TWIST2: variants seen among roughly 807,000 people sequenced by gnomAD.
The protein encoded by TWIST2 is twist-related protein 2.
A neutral mutation model predicts 11.6 loss-of-function variants in TWIST2; 1 was observed. The observed-to-expected ratio is 0.09, with a 90% CI of 0.03 to 0.41. TWIST2 has a LOEUF of 0.41. Ranked by LOEUF, TWIST2 falls within the 10% of genes least tolerant of loss-of-function variation. TWIST2 has a pLI of 0.98. For synonymous variants in TWIST2, 87 were observed against 96.6 expected, an observed-to-expected ratio of 0.90 and a Z score of 0.58; for missense variants, 168 against 226.4, an observed-to-expected ratio of 0.74 and a Z score of 1.66.
intron 1 of TWIST2, among the ~76,000 whole-genome samples, chr2:238,886,296 T>C (rs1693035572): frequency 6.6e-6 from 1 of 152,074 alleles, no homozygotes; most frequent in African/African-American, 2.4e-5. Context: ...TTCTTAGTGT[T>C]AATTATGTTT....
At chr2:238,875,770 G>A (rs952021887) in intron 1 of TWIST2, among the ~76,000 whole-genome samples, 16 of 152,188 alleles carry the variant, frequency 1.1e-4, no homozygotes, top group African/African-American at 3.9e-4. Context: ...TTTCTCCCCT[G>A]TCCCCAAGTT....
intron 1 of TWIST2, among the ~76,000 whole-genome samples, chr2:238,890,309 C>T (rs1394156242): frequency 6.6e-6 from 1 of 152,222 alleles, no homozygotes; most frequent in African/African-American, 2.4e-5. Flanking sequence ...AGGACCGGCA[C>T]AGTGAGAGCA....
rs371656833 is a variant in TWIST2 at position 238,866,870 on chromosome 2, G to A, written c.*35+18137G>A. Among the ~76,000 whole-genome samples the A allele has an allele frequency of 5.6e-4, 85 of 152,196 alleles. No individual in the cohort carries two copies. The highest frequency in any genetic ancestry group is 1.8e-3 in the African/African-American group (74 of 41,518). ...CGACGGTTTGTCTGCCTGTCACCCCGGGAGCACCTTCAGGACTGTGTCCTT... is the reference window on the plus strand; with the variant it reads ...CGACGGTTTGTCTGCCTGTCACCCCAGGAGCACCTTCAGGACTGTGTCCTT... On this transcript the variant is annotated intron_variant, in intron 1 of 1. Transcript: ENST00000612363. This position sits in a 1 kb window ranked among gnomAD's most constrained non-coding sequence, Gnocchi z 4.9.
intron 1 of TWIST2, among the ~76,000 whole-genome samples, chr2:238,901,208 C>T (rs1000263919): frequency 8.1e-4 from 124 of 152,210 alleles, no homozygotes; most frequent in African/African-American, 2.7e-3. Context: ...AACTCCTGAC[C>T]TCAAGTGAAC....
chr2:238,905,544 G>C (rs1425804924), intron 1 of TWIST2, among the ~76,000 whole-genome samples: 5 of 152,156 alleles, frequency 3.3e-5, no homozygotes, highest in Non-Finnish European at 7.4e-5. Context: ...GTCCCCTCGG[G>C]CACGTGAAGC....
intron 1 of TWIST2, among the ~76,000 whole-genome samples, chr2:238,893,507 A>G (rs974975431): frequency 6.6e-6 from 1 of 151,982 alleles, no homozygotes; most frequent in East Asian, 1.9e-4. Context: ...GTGCCTCTCC[A>G]CTCTGAAAAC....
chr2:238,864,916 G>A lies in TWIST2; in HGVS notation c.*35+16183G>A, dbSNP rs570149311. 6.6e-6 allele frequency among the ~76,000 whole-genome samples: 1 copy of A among 152,180 alleles called. No homozygotes were observed. On this transcript the variant is annotated intron_variant, in intron 1 of 1. Coordinates refer to ENST00000612363, the MANE Select transcript of TWIST2 (RefSeq NM_001271893.4). This position sits in a 1 kb window ranked among gnomAD's most constrained non-coding sequence, Gnocchi z 4.7. ...CCGCCAGGAGCAGAGAGCTCCGGAAGGCCTGCCGGGAGGACCTGGAGGATG... is the reference window on the plus strand; with the variant it reads ...CCGCCAGGAGCAGAGAGCTCCGGAAAGCCTGCCGGGAGGACCTGGAGGATG...
At chr2:238,895,199 G>T (rs1693193021) in intron 1 of TWIST2, among the ~76,000 whole-genome samples, 1 of 152,256 alleles carries the variant, frequency 6.6e-6, no homozygotes, top group South Asian at 2.1e-4. Flanking sequence ...CACGCCCCTG[G>T]CTTGGACCAG....
At chr2:238,874,932 A>G (rs1211949223) in intron 1 of TWIST2, among the ~76,000 whole-genome samples, 1 of 152,120 alleles carries the variant, frequency 6.6e-6, no homozygotes, top group Non-Finnish European at 1.5e-5. Flanking sequence ...TTTGTGGAAC[A>G]TGTGTCCTCT....
In TWIST2 at chr2:238,866,897, T is replaced by A. The variant is rs1342237969; in HGVS notation, c.*35+18164T>A. On this transcript the variant is annotated intron_variant, in intron 1 of 1. Coordinates refer to ENST00000612363, the MANE Select transcript of TWIST2 (RefSeq NM_001271893.4). The surrounding 1 kb of genome is among the most constrained non-coding windows in gnomAD (Gnocchi z 4.9). ...GAGCACCTTCAGGACTGTGTCCTTG[T>A]CATGTATCCGGATGCCCGGCTCAGC... Among the ~76,000 whole-genome samples the A allele has an allele frequency of 6.6e-6, 1 of 152,188 alleles. No individual in the cohort carries two copies.
chr2:238,897,417 A>C (rs929515081), intron 1 of TWIST2, among the ~76,000 whole-genome samples: 1 of 152,056 alleles, frequency 6.6e-6, no homozygotes. Context: ...CTTTTTACCA[A>C]GTGGGACCCC....
chr2:238,882,201 T>G (rs1359048943), intron 1 of TWIST2, among the ~76,000 whole-genome samples: 1 of 152,102 alleles, frequency 6.6e-6, no homozygotes, highest in African/African-American at 2.4e-5. Flanking sequence ...TGGGGGGCTC[T>G]TTTCCCTCCT....
intron 1 of TWIST2, among the ~76,000 whole-genome samples, chr2:238,850,653 G>T (rs1053543541): frequency 2.6e-5 from 4 of 152,108 alleles, no homozygotes; most frequent in Non-Finnish European, 5.9e-5. Context: ...AACCATTAAA[G>T]ATTATAGAAA....
rs182564487 is a variant in TWIST2, at chr2:238,885,847, G to A, written c.*36-23995G>A. The stretch of plus-strand genomic sequence containing the variant: ...AGCACTTTGAGATGTTTGGGGCCTG[G>A]AGCTCACCAGCTCCAGTCTGCACCC... On this transcript the variant is annotated intron_variant, in intron 1 of 1. Transcript: ENST00000612363. 3.8e-3 allele frequency among the ~76,000 whole-genome samples: 572 copies of A among 152,210 alleles called. 1 individual carries two copies. Among genetic ancestry groups the A allele is most frequent in the Non-Finnish European group, 5.6e-3 (381 of 68,028 alleles).
intron 1 of TWIST2, among the ~76,000 whole-genome samples, chr2:238,874,471 TTG>T: frequency 6.6e-6 from 1 of 152,058 alleles, no homozygotes; most frequent in Non-Finnish European, 1.5e-5. Flanking sequence ...CCAGGAGACG[TTG>T]TGTTATCCCA....
intron 1 of TWIST2, among the ~76,000 whole-genome samples, chr2:238,859,564 T>C (rs1173120407): frequency 7.2e-6 from 1 of 138,430 alleles, no homozygotes; most frequent in East Asian, 2.1e-4. Flanking sequence ...TGTATCTTAC[T>C]ACTATCACCA....
At chr2:238,894,363 A>T (rs911536321) in intron 1 of TWIST2, among the ~76,000 whole-genome samples, 246 of 151,826 alleles carry the variant, frequency 1.6e-3, no homozygotes, top group Non-Finnish European at 3.2e-3. Context: ...GGATGCACCC[A>T]GCCACCCAAG....
rs1426927992 is a variant in TWIST2 at position 238,870,844 on chromosome 2, G to A, written c.*35+22111G>A. Among the ~76,000 whole-genome samples the A allele has an allele frequency of 7.4e-3, 164 of 22,270 alleles. 10 individuals are homozygous for A. Among genetic ancestry groups the A allele is most frequent in the African/African-American group, 0.034 (148 of 4,324 alleles). 14.6% of individuals were successfully genotyped at this position (22,270 alleles called of 152,430 possible). On this transcript the variant is annotated intron_variant, in intron 1 of 1. Coordinates refer to ENST00000612363, the MANE Select transcript of TWIST2 (RefSeq NM_001271893.4). The stretch of plus-strand genomic sequence containing the variant: ...CCCCACACACACCACACCCCCACAC[G>A]CCACACACACACCTTACCCCACACA...
At position 238,891,234 on chromosome 2, in the gene TWIST2, G is replaced by A. The variant is rs532630321; in HGVS notation, c.*36-18608G>A. Among the ~76,000 whole-genome samples, 38 of 152,312 alleles carry A rather than the reference G, an allele frequency of 2.5e-4. No homozygotes were observed. The East Asian group carries it at 3.3e-3, about 13-fold the overall frequency. The stretch of plus-strand genomic sequence containing the variant: ...CAGCTCCAGGTGCTCTTAGATCAGC[G>A]AGGCCACCTTGACCCTATCGGGAGC... On this transcript the variant is annotated intron_variant, in intron 1 of 1. Coordinates refer to ENST00000612363, the MANE Select transcript of TWIST2 (RefSeq NM_001271893.4).
Sources: allele counts gnomAD v4.1 joint callset (sites outside exome capture counted in the v4.1 genomes callset), GRCh38; gene constraint gnomAD v4.1.1; non-coding constraint Gnocchi (gnomAD v3.1); transcripts MANE v1.5; gene names NCBI Gene and HGNC (gene_info 2026-07-23, HGNC 2026-07-21).